The following NRXN1 variants were observed in gnomAD, a reference collection of about 807,000 sequenced individuals.
The protein encoded by NRXN1 is neurexin-1.
NRXN1 carries 39 observed loss-of-function variants against 150.9 expected under a neutral mutation model. The ratio of observed to expected loss-of-function variants is 0.26; its 90% CI spans 0.20 to 0.34. The LOEUF (loss-of-function observed/expected upper bound fraction) is 0.34. Ranked by LOEUF, NRXN1 falls within the 10% of genes least tolerant of loss-of-function variation. The pLI, the probability that NRXN1 is intolerant of heterozygous loss-of-function variation, is 1.00. For missense variants in NRXN1, 1,815 were observed against 1,949.9 expected, an observed-to-expected ratio of 0.93 and a Z score of 1.30; for synonymous variants, 924 against 757.0, an observed-to-expected ratio of 1.22 and a Z score of -3.62.
At chr2:50,493,914 G>T (rs537662235) in intron 15 of NRXN1, among the ~76,000 whole-genome samples, 2 of 152,222 alleles carry the variant, frequency 1.3e-5, no homozygotes, top group Admixed American at 1.3e-4. Flanking sequence ...CCATTTTTAA[G>T]TTCATACTTA....
At chr2:50,383,778 T>TA (rs1346006381) in intron 17 of NRXN1, among the ~76,000 whole-genome samples, 1 of 152,166 alleles carries the variant, frequency 6.6e-6, no homozygotes, top group Non-Finnish European at 1.5e-5. Flanking sequence ...AATGATCCCT[T>TA]ACAGATTTTT....
intron 5 of NRXN1, among the ~76,000 whole-genome samples, chr2:50,654,338 G>A (rs1010047138): frequency 3.3e-5 from 5 of 151,330 alleles, no homozygotes; most frequent in African/African-American, 1.2e-4. Flanking sequence ...CTTCATCCAT[G>A]TCCCTACAAA....
chr2:50,638,386 T>C (rs1398595289), intron 5 of NRXN1, among the ~76,000 whole-genome samples: 3 of 152,148 alleles, frequency 2.0e-5, no homozygotes, highest in African/African-American at 7.2e-5. Flanking sequence ...TTATTCTCCA[T>C]GAAAATAATT....
intron 5 of NRXN1, among the ~76,000 whole-genome samples, chr2:50,751,595 C>T (rs1700600543): frequency 6.6e-6 from 1 of 151,952 alleles, no homozygotes. Flanking sequence ...ATTTCCAGCC[C>T]ATCTTCGGTC....
intron 5 of NRXN1, among the ~76,000 whole-genome samples, chr2:50,738,193 C>T (rs1699000403): frequency 6.6e-6 from 1 of 152,134 alleles, no homozygotes; most frequent in Admixed American, 6.5e-5. Flanking sequence ...TATGAAGAAC[C>T]TATTGTGGGC....
rs2085289660 is a variant in NRXN1 at position 50,434,801 on chromosome 2, CTA to C, written c.3364+30639_3364+30640del. 2.0e-5 allele frequency among the ~76,000 whole-genome samples: 3 copies of C among 149,766 alleles called. No homozygotes were observed. In the South Asian group the frequency reaches 6.2e-4, roughly 31 times the overall value. On this transcript the variant is annotated intron_variant, in intron 17 of 22. Coordinates refer to ENST00000401669, the MANE Select transcript of NRXN1 (RefSeq NM_001330078.2). ...CTTTCTCACTGCTGCTCTCATAAGA[CTA>C]TTTTTTTTTTCCCTCCTGCAGATCA...
intron 5 of NRXN1, among the ~76,000 whole-genome samples, chr2:50,851,467 G>A (rs931507753): frequency 1.3e-5 from 2 of 151,942 alleles, no homozygotes; most frequent in Admixed American, 6.6e-5. Context: ...TGTCTGTCTT[G>A]CTGCAATGGC....
intron 5 of NRXN1, among the ~76,000 whole-genome samples, chr2:50,781,394 T>C (rs1194042463): frequency 6.7e-6 from 1 of 149,372 alleles, no homozygotes; most frequent in Non-Finnish European, 1.5e-5. Flanking sequence ...AGGACGTCAA[T>C]GTCTTGCCAG....
intron 17 of NRXN1, among the ~76,000 whole-genome samples, chr2:50,424,576 G>A (rs948123385): frequency 2.0e-5 from 3 of 152,076 alleles, no homozygotes; most frequent in African/African-American, 4.8e-5. Context: ...AAAGACCTAG[G>A]TAAGCCAGCT....
At chr2:50,188,768 G>C (rs149260218) in intron 18 of NRXN1, among the ~76,000 whole-genome samples, 2,026 of 152,034 alleles carry the variant, frequency 0.013, 44 homozygotes, top group African/African-American at 0.047. Context: ...ATTTTAAAAA[G>C]CTCATCATCA....
In NRXN1 at chr2:50,123,797, T is replaced by C. The variant is rs1288088147; in HGVS notation, c.3547-32303A>G. ...GAACTCAAGATGATTTCAAGGTTTT[T>C]GGAAAAGGCAACAGGCAGTATGAAT... On this transcript the variant is annotated intron_variant, in intron 18 of 22. Coordinates refer to ENST00000401669, the MANE Select transcript of NRXN1 (RefSeq NM_001330078.2). Among the ~76,000 whole-genome samples, 3 of 152,198 alleles carry C rather than the reference T, an allele frequency of 2.0e-5. No homozygotes were observed. In the South Asian group the frequency reaches 6.2e-4, roughly 32 times the overall value.
intron 12 of NRXN1, among the ~76,000 whole-genome samples, chr2:50,509,847 T>C (rs1309108894): frequency 6.6e-6 from 1 of 152,140 alleles, no homozygotes; most frequent in Non-Finnish European, 1.5e-5. Context: ...ATGTTGAATT[T>C]CTAACCCACA....
chr2:50,447,736 G>A (rs970413285), intron 17 of NRXN1, among the ~76,000 whole-genome samples: 3 of 23,768 alleles, frequency 1.3e-4, no homozygotes, highest in Admixed American at 1.2e-3. Flanking sequence ...GCAGGGGAAC[G>A]TTATATATAT....
chr2:50,818,679 CTACAT>C (rs993822458), intron 5 of NRXN1, among the ~76,000 whole-genome samples: 1 of 151,772 alleles, frequency 6.6e-6, no homozygotes, highest in African/African-American at 2.4e-5. Flanking sequence ...ACAAATAAGA[CTACAT>C]TAAACTAAAA....
intron 5 of NRXN1, among the ~76,000 whole-genome samples, chr2:50,635,427 C>A (rs1295889175): frequency 6.6e-6 from 1 of 151,924 alleles, no homozygotes; most frequent in Non-Finnish European, 1.5e-5. Flanking sequence ...CCCGCCTCGG[C>A]CTCCCAATGT....
At chr2:50,907,017 G>C (rs1425189032) in intron 5 of NRXN1, among the ~76,000 whole-genome samples, 2 of 151,784 alleles carry the variant, frequency 1.3e-5, no homozygotes, top group African/African-American at 4.8e-5. Flanking sequence ...ATAGCAACCA[G>C]AATTGCATTT....
In NRXN1 at chr2:50,666,876, ATGATG is replaced by A. The variant is rs1381758549; in HGVS notation, c.833-43266_833-43262del. Among the ~76,000 whole-genome samples the A allele has an allele frequency of 7.8e-3, 265 of 33,788 alleles. 1 individual carries two copies. Among genetic ancestry groups the A allele is most frequent in the African/African-American group, 0.019 (190 of 9,844 alleles). 22.2% of individuals were successfully genotyped at this position (33,788 alleles called of 152,430 possible). On this transcript the variant is annotated intron_variant, in intron 5 of 22. Coordinates refer to ENST00000401669, the MANE Select transcript of NRXN1 (RefSeq NM_001330078.2). ...GATGATGATGATGATGATGATGATG[ATGATG>A]TGTGTGTGTGTGTGTGTGTGTGTGT...
intron 17 of NRXN1, among the ~76,000 whole-genome samples, chr2:50,273,852 C>A (rs149566575): frequency 6.6e-6 from 1 of 151,962 alleles, no homozygotes; most frequent in Non-Finnish European, 1.5e-5. Flanking sequence ...GTTAGAATGG[C>A]GATCATTAAA....
chr2:50,457,498 T>C (rs939340398), intron 17 of NRXN1, among the ~76,000 whole-genome samples: 2 of 151,970 alleles, frequency 1.3e-5, no homozygotes, highest in African/African-American at 4.8e-5. Flanking sequence ...TATTCATACC[T>C]CACAATCAGC....
Sources: allele counts gnomAD v4.1 joint callset (sites outside exome capture counted in the v4.1 genomes callset), GRCh38; gene constraint gnomAD v4.1.1; transcripts MANE v1.5; gene names NCBI Gene and HGNC (gene_info 2026-07-23, HGNC 2026-07-21).